The following KCNH1 variants were observed in gnomAD, a reference collection of about 807,000 sequenced individuals.
KCNH1 encodes the protein voltage-gated delayed rectifier potassium channel KCNH1.
In KCNH1, 27 loss-of-function variants were observed where a neutral mutation model predicts 69.2. The ratio of observed to expected loss-of-function variants is 0.39; its 90% CI spans 0.29 to 0.54. The LOEUF (loss-of-function observed/expected upper bound fraction) is 0.54. Ranked by LOEUF, KCNH1 falls within the 20% of genes least tolerant of loss-of-function variation. KCNH1 has a pLI of 0.68. For missense variants in KCNH1, 798 were observed against 1,261.6 expected (o/e 0.63, Z 5.57); for synonymous variants, 456 against 487.7 (o/e 0.93, Z 0.86).
intron 10 of KCNH1, among the ~76,000 whole-genome samples, chr1:210,773,089 T>C (rs918091670): frequency 2.0e-5 from 3 of 152,322 alleles, no homozygotes; most frequent in Admixed American, 2.0e-4. Context: ...TGAAAGCTGA[T>C]TATAATCAAC....
At chr1:210,972,926 C>CA (rs34391382) in intron 6 of KCNH1, among the ~76,000 whole-genome samples, 29,607 of 134,084 alleles carry the variant, frequency 0.22, 3,887 homozygotes, top group East Asian at 0.6. Flanking sequence ...CCAAACGTCT[C>CA]AAAAAAAAAA....
chr1:211,059,506 G>A (rs145733534), intron 5 of KCNH1, among the ~76,000 whole-genome samples: 1,859 of 152,146 alleles, frequency 0.012, 42 homozygotes, highest in African/African-American at 0.042. Flanking sequence ...ACTTTGGGAG[G>A]CTGAGGCGGG....
At chr1:210,809,134 C>G (rs937209647) in intron 7 of KCNH1, among the ~76,000 whole-genome samples, 1 of 151,938 alleles carries the variant, frequency 6.6e-6, no homozygotes, top group Non-Finnish European at 1.5e-5. Context: ...TATTCTCCAG[C>G]CCTTAATTAG....
intron 10 of KCNH1, among the ~76,000 whole-genome samples, chr1:210,748,269 C>T (rs1315200575): frequency 6.6e-6 from 1 of 152,208 alleles, no homozygotes; most frequent in Non-Finnish European, 1.5e-5. Flanking sequence ...ATGTTCACCC[C>T]TTGATGCCCA....
chr1:210,963,626 C>T (rs1014327521), intron 6 of KCNH1, among the ~76,000 whole-genome samples: 1 of 151,736 alleles, frequency 6.6e-6, no homozygotes, highest in Non-Finnish European at 1.5e-5. Flanking sequence ...AAACACAGCG[C>T]AAGAACTTCA....
rs890396005 is a variant in KCNH1, at chr1:210,830,341, G to A, written c.1463-26175C>T. 4.6e-5 allele frequency among the ~76,000 whole-genome samples: 7 copies of A among 152,140 alleles called. No individual in the cohort carries two copies. The East Asian group carries it at 1.3e-3, about 29-fold the overall frequency. On this transcript the variant is annotated intron_variant, in intron 7 of 10. Coordinates refer to ENST00000271751, the MANE Select transcript of KCNH1 (RefSeq NM_172362.3). ...CCTCAGTGAAGCCATATCAAACCAA[G>A]GATGCCTTCCTAAAGAAGCCCAGCT...
chr1:210,701,629 C>G (rs1419583378), intron 10 of KCNH1, among the ~76,000 whole-genome samples: 6 of 152,030 alleles, frequency 3.9e-5, no homozygotes, highest in Non-Finnish European at 7.4e-5. Flanking sequence ...AATCTTCCTT[C>G]CTTCCATCTT....
At position 211,133,969 on chromosome 1, in the gene KCNH1, CG is replaced by C; in HGVS notation, c.-25del. The C allele has an allele frequency of 1.2e-6, 2 of 1,601,020 alleles. No homozygotes were observed. The highest frequency in any genetic ancestry group is 8.5e-7 in the Non-Finnish European group (1 of 1,172,002). On this transcript the variant is annotated 5_prime_UTR_variant, in exon 1 of 11. Transcript: ENST00000271751. The surrounding 1 kb of genome is among the most constrained non-coding windows in gnomAD (Gnocchi z 5.4). Reference sequence around the variant, plus strand: ...ATCCTCCCAGCAGCTCGGGGTCCGGCGGGCGTCCTGGCGCGGCTTCTTACGA... The same window carrying C: ...ATCCTCCCAGCAGCTCGGGGTCCGGCGGCGTCCTGGCGCGGCTTCTTACGA...
intron 7 of KCNH1, among the ~76,000 whole-genome samples, chr1:210,833,352 C>T (rs555052828): frequency 6.6e-6 from 1 of 152,182 alleles, no homozygotes; most frequent in Non-Finnish European, 1.5e-5. Flanking sequence ...ATCAATGGAA[C>T]AGAACAGAGG....
At chr1:210,996,929 A>C (rs1013676838) in intron 6 of KCNH1, among the ~76,000 whole-genome samples, 2 of 152,244 alleles carry the variant, frequency 1.3e-5, no homozygotes, top group Non-Finnish European at 2.9e-5. Context: ...GACCTCTAGC[A>C]AACTCCAACA....
intron 7 of KCNH1, 138 bp from the exon 8 acceptor site, chr1:210,804,304 C>T (rs1243442172): frequency 1.2e-5 from 8 of 678,074 alleles, no homozygotes; most frequent in Non-Finnish European, 1.8e-5. Flanking sequence ...CCTGACTATT[C>T]TCAGGAGACC....
intron 6 of KCNH1, among the ~76,000 whole-genome samples, chr1:210,958,318 C>A (rs1380971491): frequency 6.6e-6 from 1 of 152,172 alleles, no homozygotes; most frequent in Non-Finnish European, 1.5e-5. Flanking sequence ...GTAACTTGAC[C>A]TTTCACTCTG....
intron 9 of KCNH1, among the ~76,000 whole-genome samples, chr1:210,780,874 C>T (rs1352738545): frequency 2.6e-5 from 4 of 152,072 alleles, no homozygotes; most frequent in African/African-American, 7.2e-5. Flanking sequence ...GGTGAAACCC[C>T]GTCTCTACTA....
At chr1:211,027,962 A>G (rs1053472559) in intron 5 of KCNH1, among the ~76,000 whole-genome samples, 1 of 152,142 alleles carries the variant, frequency 6.6e-6, no homozygotes. Context: ...ATATAGAAGA[A>G]CTCAACAATA....
At chr1:210,926,298 C>T (rs1687572606) in intron 6 of KCNH1, among the ~76,000 whole-genome samples, 1 of 151,904 alleles carries the variant, frequency 6.6e-6, no homozygotes, top group Non-Finnish European at 1.5e-5. Context: ...AAACCAAGGA[C>T]CTTCCGAGTC....
intron 7 of KCNH1, among the ~76,000 whole-genome samples, chr1:210,844,914 GA>G: frequency 6.6e-6 from 1 of 152,304 alleles, no homozygotes; most frequent in South Asian, 2.1e-4. Flanking sequence ...TGATCCCACA[GA>G]AATACAAACT....
At chr1:210,841,234 T>A (rs1685403491) in intron 7 of KCNH1, among the ~76,000 whole-genome samples, 1 of 152,220 alleles carries the variant, frequency 6.6e-6, no homozygotes, top group Non-Finnish European at 1.5e-5. Flanking sequence ...TTTTGTCGTT[T>A]ATACTTGTCT....
At chr1:210,959,146 T>C (rs540302889) in intron 6 of KCNH1, among the ~76,000 whole-genome samples, 4 of 152,232 alleles carry the variant, frequency 2.6e-5, no homozygotes, top group Non-Finnish European at 5.9e-5. Context: ...TTCTGTTTGT[T>C]AGTTTTCCTT....
intron 4 of KCNH1, among the ~76,000 whole-genome samples, chr1:211,086,416 G>A (rs1271807858): frequency 6.6e-6 from 1 of 152,128 alleles, no homozygotes; most frequent in East Asian, 1.9e-4. Flanking sequence ...GATTCTTCCA[G>A]TTCTATCACA....
Sources: allele counts gnomAD v4.1 joint callset (sites outside exome capture counted in the v4.1 genomes callset), GRCh38; gene constraint gnomAD v4.1.1; non-coding constraint Gnocchi (gnomAD v3.1); transcripts MANE v1.5; gene names NCBI Gene and HGNC (gene_info 2026-07-23, HGNC 2026-07-21).